GABRA4: variants seen among roughly 807,000 people sequenced by gnomAD.
GABRA4 encodes the protein gamma-aminobutyric acid type A receptor subunit alpha4, also known as gamma-aminobutyric acid receptor subunit alpha-4.
GABRA4 carries 12 observed loss-of-function variants against 49.7 expected under a neutral mutation model. The observed-to-expected ratio is 0.24, with a 90% CI of 0.15 to 0.39. The LOEUF (loss-of-function observed/expected upper bound fraction) is 0.39. GABRA4 is among the 10% of genes least tolerant of loss of function. GABRA4 has a pLI of 1.00. For missense variants in GABRA4, 506 were observed against 686.0 expected, an observed-to-expected ratio of 0.74 and a Z score of 2.93; for synonymous variants, 288 against 240.2, an observed-to-expected ratio of 1.20 and a Z score of -1.84.
At chr4:46,971,514 A>G (rs1004567099) in intron 6 of GABRA4, among the ~76,000 whole-genome samples, 2 of 151,492 alleles carry the variant, frequency 1.3e-5, no homozygotes, top group Non-Finnish European at 3.0e-5. Flanking sequence ...TTCTATTTTG[A>G]TGGTCTAATA....
At chr4:46,946,778 A>G (rs756605658) in intron 8 of GABRA4, among the ~76,000 whole-genome samples, 3 of 152,140 alleles carry the variant, frequency 2.0e-5, no homozygotes, top group Non-Finnish European at 4.4e-5. Flanking sequence ...ATGAAAGACT[A>G]AGCACTGGTG....
At chr4:46,929,271 T>A (rs1412034674) in intron 8 of GABRA4, among the ~76,000 whole-genome samples, 1 of 151,954 alleles carries the variant, frequency 6.6e-6, no homozygotes, top group Non-Finnish European at 1.5e-5. Flanking sequence ...GTCCAAAAAC[T>A]TTGATTTCTA....
intron 7 of GABRA4, among the ~76,000 whole-genome samples, chr4:46,970,534 T>A (rs900547534): frequency 4.0e-5 from 6 of 151,364 alleles, no homozygotes; most frequent in Admixed American, 2.0e-4. Context: ...GAAGCCACTA[T>A]AAAAACAAAA....
At chr4:46,977,176 C>A (rs774722476) in intron 4 of GABRA4, 33 bp from the exon 5 acceptor site, 4 of 1,400,536 alleles carry the variant, frequency 2.9e-6, no homozygotes, top group Non-Finnish European at 3.0e-6. Flanking sequence ...ATAAAATCAA[C>A]CCTTTTAAAG....
intron 8 of GABRA4, among the ~76,000 whole-genome samples, chr4:46,952,273 A>G (rs1033721709): frequency 6.6e-6 from 1 of 152,110 alleles, no homozygotes; most frequent in Non-Finnish European, 1.5e-5. Context: ...TCATCGTGGC[A>G]GCAAAAGACA....
Position 46,993,365 on chromosome 4 carries a change from G to A in GABRA4, c.60C>T (p.Leu20=), listed in dbSNP as rs367709012. 8.7e-6 allele frequency: 14 copies of A among 1,614,116 alleles called. No homozygotes were observed. Among genetic ancestry groups the A allele is most frequent in the African/African-American group, 6.7e-5 (5 of 74,946 alleles). Residue 20 remains leucine, a synonymous_variant, in exon 1 of 9, where the codon CTC becomes CTT. Transcript: ENST00000264318. The part of the protein sequence containing the change: ...IALSAGVSFA[L]LRFLCLAVCL... ...AAACCGCCAGGCACAGGAAGCGCAG[G>A]AGGGCGAAACTGACCCCGGCGGACA...
At chr4:46,981,752 G>A (rs988262087) in intron 2 of GABRA4, among the ~76,000 whole-genome samples, 1 of 152,094 alleles carries the variant, frequency 6.6e-6, no homozygotes, top group Admixed American at 6.6e-5. Context: ...GAAAAATACA[G>A]GATGGTAAGA....
rs138310218 is a variant in GABRA4 at position 46,934,393 on chromosome 4, G to A, written c.1135-5638C>T. Among the ~76,000 whole-genome samples, 9 of 152,192 alleles carry A rather than the reference G, an allele frequency of 5.9e-5. No homozygotes were observed. The East Asian group carries it at 7.7e-4, about 13-fold the overall frequency. The stretch of plus-strand genomic sequence containing the variant: ...GAAATATCAACAGCATTTTTAGAAC[G>A]TGCTACACGTAGAAATTTTTAACAC... On this transcript the variant is annotated intron_variant, in intron 8 of 8. Coordinates refer to ENST00000264318, the MANE Select transcript of GABRA4 (RefSeq NM_000809.4).
intron 8 of GABRA4, among the ~76,000 whole-genome samples, chr4:46,954,927 C>G (rs562690804): frequency 4.7e-4 from 71 of 152,156 alleles, no homozygotes; most frequent in African/African-American, 1.5e-3. Context: ...TCAGTTTGCT[C>G]AACCATAAAA....
At chr4:46,974,777 C>T (rs1334331194) in intron 5 of GABRA4, among the ~76,000 whole-genome samples, 1 of 151,902 alleles carries the variant, frequency 6.6e-6, no homozygotes, top group Admixed American at 6.6e-5. Context: ...CAATACCATC[C>T]TAACACAGTT....
chr4:46,975,849 C>A (rs1405022009), intron 5 of GABRA4, among the ~76,000 whole-genome samples: 1 of 151,902 alleles, frequency 6.6e-6, no homozygotes, highest in Non-Finnish European at 1.5e-5. Flanking sequence ...TATTTTTCTG[C>A]CTTTATCTTC....
In GABRA4 at chr4:46,921,877, G is replaced by A. The variant is rs2109927798; in HGVS notation, c.*6348C>T. 6.6e-6 allele frequency: 1 copy of A among 152,200 alleles called. No individual in the cohort carries two copies. The highest frequency in any genetic ancestry group is 1.9e-4 in the East Asian group (1 of 5,172). 9.4% of individuals were successfully genotyped at this position (152,200 alleles called of 1,614,324 possible). On this transcript the variant is annotated 3_prime_UTR_variant, in exon 9 of 9. Coordinates refer to ENST00000264318, the MANE Select transcript of GABRA4 (RefSeq NM_000809.4). The stretch of plus-strand genomic sequence containing the variant: ...GCAGCTTTTAAGTAGGTAGCCATTT[G>A]CACTAATAGGAGAAAGGAAATTGAC...
chr4:46,987,717 CA>C (rs989480491), intron 2 of GABRA4, among the ~76,000 whole-genome samples: 1 of 152,026 alleles, frequency 6.6e-6, no homozygotes, highest in African/African-American at 2.4e-5. Context: ...TCCAAGCAAC[CA>C]TCAACTTAAG....
chr4:46,937,157 C>T (rs987559948), intron 8 of GABRA4, among the ~76,000 whole-genome samples: 1 of 152,192 alleles, frequency 6.6e-6, no homozygotes, highest in East Asian at 1.9e-4. Flanking sequence ...CCAGGTTTCT[C>T]TCTGTCTTCT....
intron 8 of GABRA4, among the ~76,000 whole-genome samples, chr4:46,960,603 A>C (rs112879278): frequency 2.6e-5 from 4 of 151,854 alleles, no homozygotes; most frequent in African/African-American, 9.6e-5. Context: ...ATCCCATTTG[A>C]AAATATTATC....
At chr4:46,950,818 C>T (rs1201141679) in intron 8 of GABRA4, among the ~76,000 whole-genome samples, 2 of 151,898 alleles carry the variant, frequency 1.3e-5, no homozygotes, top group African/African-American at 2.4e-5. Context: ...AAGAAAATCT[C>T]GTTTTTACTC....
intron 8 of GABRA4, among the ~76,000 whole-genome samples, chr4:46,960,140 C>T (rs990231328): frequency 2.0e-5 from 3 of 150,950 alleles, no homozygotes; most frequent in African/African-American, 7.3e-5. Flanking sequence ...ATCAAAAGTA[C>T]TAAAATCAGA....
intron 3 of GABRA4, among the ~76,000 whole-genome samples, chr4:46,978,701 A>AG (rs1373219785): frequency 6.7e-6 from 1 of 149,916 alleles, no homozygotes; most frequent in African/African-American, 2.4e-5. Context: ...AAAAAAAAAA[A>AG]AAAAAAAAAA....
At chr4:46,956,295 CA>C (rs1722358676) in intron 8 of GABRA4, among the ~76,000 whole-genome samples, 1 of 151,972 alleles carries the variant, frequency 6.6e-6, no homozygotes, top group South Asian at 2.1e-4. Context: ...TGTCCCTTTT[CA>C]AACTGCCCAA....
Sources: gnomAD v4.1 joint callset for allele counts (sites outside exome capture counted in the v4.1 genomes callset) on GRCh38, gnomAD v4.1.1 for gene constraint, MANE v1.5 for transcripts, NCBI Gene and HGNC (gene_info 2026-07-23, HGNC 2026-07-21) for gene names.